FARP1: variants seen among roughly 807,000 people sequenced by gnomAD.
The protein encoded by FARP1 is FERM, ARHGEF and pleckstrin domain-containing protein 1.
In FARP1, 52 loss-of-function variants were observed where a neutral mutation model predicts 128.8. The ratio of observed to expected loss-of-function variants is 0.40; its 90% CI spans 0.32 to 0.51. The LOEUF (loss-of-function observed/expected upper bound fraction) is 0.51, where lower values mean the gene tolerates loss of function less well. Ranked by LOEUF, FARP1 falls within the 20% of genes least tolerant of loss-of-function variation. The pLI is 0.45. For synonymous variants in FARP1, 580 were observed against 551.8 expected (o/e 1.05, Z -0.72); for missense variants, 1,333 against 1,367.9 (o/e 0.97, Z 0.40).
chr13:98,160,757 G>T (rs915881143), intron 1 of FARP1, among the ~76,000 whole-genome samples: 2 of 152,014 alleles, frequency 1.3e-5, no homozygotes, highest in African/African-American at 4.8e-5. Context: ...TCCACTTCCC[G>T]GTTCAAGTGA....
chr13:98,422,673 A>T (rs1241402179), intron 16 of FARP1, among the ~76,000 whole-genome samples: 1 of 152,054 alleles, frequency 6.6e-6, no homozygotes, highest in Non-Finnish European at 1.5e-5. Flanking sequence ...ACCTGTTTCT[A>T]CTCACGATGA....
intron 16 of FARP1, among the ~76,000 whole-genome samples, chr13:98,418,418 G>A (rs1891471219): frequency 6.6e-6 from 1 of 152,102 alleles, no homozygotes; most frequent in South Asian, 2.1e-4. Flanking sequence ...GGGATTACAG[G>A]CGTGCATCAC....
intron 2 of FARP1, among the ~76,000 whole-genome samples, chr13:98,225,078 G>A (rs989153133): frequency 1.3e-5 from 2 of 152,176 alleles, no homozygotes; most frequent in African/African-American, 4.8e-5. Context: ...TGAAGAAAGA[G>A]ACTGCTTTGT....
At position 98,287,560 on chromosome 13, in the gene FARP1, T is replaced by C. The variant is rs1474200629; in HGVS notation, c.172-56202T>C. Among the ~76,000 whole-genome samples, 3 of 152,122 alleles carry C rather than the reference T, an allele frequency of 2.0e-5. No homozygotes were observed. In the East Asian group the frequency reaches 5.8e-4, roughly 29 times the overall value. Reference sequence around the variant, plus strand: ...GTCTTTACCATGATTATTCTGACTTTGCTTTTACACATTGGCAACCAGATT... The same window carrying C: ...GTCTTTACCATGATTATTCTGACTTCGCTTTTACACATTGGCAACCAGATT... On this transcript the variant is annotated intron_variant, in intron 2 of 26. Coordinates refer to ENST00000319562, the MANE Select transcript of FARP1 (RefSeq NM_005766.4).
intron 11 of FARP1, among the ~76,000 whole-genome samples, chr13:98,392,832 A>AC (rs1555343167): frequency 1.3e-5 from 1 of 79,230 alleles, no homozygotes; most frequent in Non-Finnish European, 2.3e-5. Flanking sequence ...TTTTTTCAGG[A>AC]GGTTTTTTTT....
intron 18 of FARP1, 139 bp downstream of exon 18, chr13:98,431,419 G>A: frequency 1.7e-6 from 1 of 585,136 alleles, no homozygotes; most frequent in East Asian, 3.0e-5. Flanking sequence ...ATCAGGGTGG[G>A]CGCCGGTTTT....
chr13:98,325,738 C>T (rs971841302), intron 2 of FARP1, among the ~76,000 whole-genome samples: 75 of 152,190 alleles, frequency 4.9e-4, no homozygotes, highest in African/African-American at 1.8e-3. Context: ...GTAGCTTGTC[C>T]AGTTTGATCT....
At chr13:98,224,161 T>TA (rs1263015029) in intron 2 of FARP1, among the ~76,000 whole-genome samples, 11 of 152,194 alleles carry the variant, frequency 7.2e-5, no homozygotes. Context: ...ACAATACCTT[T>TA]TTTCATGTTT....
At chr13:98,157,290 A>G (rs2139116703) in intron 1 of FARP1, among the ~76,000 whole-genome samples, 1 of 151,992 alleles carries the variant, frequency 6.6e-6, no homozygotes, top group Non-Finnish European at 1.5e-5. Context: ...TTTATTTCCC[A>G]GCCTCCTGTA....
chr13:98,395,220 C>T lies in FARP1; in HGVS notation c.1165-7C>T, dbSNP rs769906858. 15 of 1,585,260 alleles carry T rather than the reference C, an allele frequency of 9.5e-6. No homozygotes were observed. In the South Asian group the frequency reaches 1.7e-4, roughly 18 times the overall value. ...TCTCTCCGCACCTTTTTCCCCACCC[C>T]ACCCAGTCTCAGCAGAGCACCAGCC... On this transcript the variant is annotated splice_polypyrimidine_tract_variant and splice_region_variant and intron_variant, in intron 12 of 26. Coordinates refer to ENST00000319562, the MANE Select transcript of FARP1 (RefSeq NM_005766.4).
rs34133279 is a variant in FARP1 at position 98,262,182 on chromosome 13, A to AT, written c.171+48787dup. 5.3e-3 allele frequency among the ~76,000 whole-genome samples: 744 copies of AT among 140,798 alleles called. 6 individuals are homozygous for AT. Among genetic ancestry groups the AT allele is most frequent in the African/African-American group, 0.012 (442 of 38,056 alleles). 92.4% of individuals were successfully genotyped at this position (140,798 alleles called of 152,430 possible). A position where few individuals can be genotyped will look rare whatever the true frequency, so the allele number is the denominator to read the frequency against. On this transcript the variant is annotated intron_variant, in intron 2 of 26. Coordinates refer to ENST00000319562, the MANE Select transcript of FARP1 (RefSeq NM_005766.4). ...AGGTGTGTGCTACCGCGCCCTGCTA[A>AT]TTTTTTTTTTTTTTTTTTAAAGAAA...
rs1413426495 is a variant in FARP1, at chr13:98,176,895, G to T, written c.-24+33403G>T. On this transcript the variant is annotated intron_variant, in intron 1 of 26. Transcript: ENST00000319562. This position sits in a 1 kb window ranked among gnomAD's most constrained non-coding sequence, Gnocchi z 6.2. ...GGTGCTCCTTCTCGGTGTCCTGCTC[G>T]AAGTCAGCGGTGGCCCCCATGTCCT... The T allele has an allele frequency of 3.7e-5, 59 of 1,606,040 alleles. No individual in the cohort carries two copies. Among genetic ancestry groups the T allele is most frequent in the Non-Finnish European group, 4.8e-5 (57 of 1,179,908 alleles).
chr13:98,388,478 T>C lies in FARP1; in HGVS notation c.855T>C (p.Asn285=), dbSNP rs1274130130. 4 of 1,612,242 alleles carry C rather than the reference T, an allele frequency of 2.5e-6. No individual in the cohort carries two copies. The highest frequency in any genetic ancestry group is 2.2e-5 in the South Asian group (2 of 91,018). Residue 285 remains asparagine (N), a splice_region_variant and synonymous_variant, in exon 9 of 27, where the codon AAT becomes AAC. Coordinates refer to ENST00000319562, the MANE Select transcript of FARP1 (RefSeq NM_005766.4). ...RFLIKLRPDA[N]SAYQDTLEFL... ...TCATCAAGCTCCGGCCAGATGCCAA[T>C]GTAAGTGGTCCTGGCGGGAAAGGGG...
At chr13:98,246,316 C>T (rs1188621304) in intron 2 of FARP1, among the ~76,000 whole-genome samples, 5 of 72,968 alleles carry the variant, frequency 6.9e-5, no homozygotes, top group African/African-American at 2.7e-4. Flanking sequence ...AGGATGGTCT[C>T]GATCTCCTGA....
intron 11 of FARP1, among the ~76,000 whole-genome samples, chr13:98,392,155 T>G (rs1890327642): frequency 6.6e-6 from 1 of 151,922 alleles, no homozygotes. Context: ...GGCTCCTTTC[T>G]GTATGCATAT....
In FARP1 at chr13:98,431,190, C is replaced by T; in HGVS notation, c.2053C>T (p.Pro685Ser). 6.2e-7 allele frequency: 1 copy of T among 1,612,884 alleles called. No homozygotes were observed. Among genetic ancestry groups the T allele is most frequent in the Non-Finnish European group, 8.5e-7 (1 of 1,179,446 alleles). Residue 685 changes from proline (P) to serine (S), a missense_variant, in exon 18 of 27, where the codon CCA (proline) becomes TCA (serine). Physicochemically the swap from Pro to Ser is moderately conservative, Grantham distance 74 (BLOSUM62 -1). Coordinates refer to ENST00000319562, the MANE Select transcript of FARP1 (RefSeq NM_005766.4). ...YLPLNTFLLRPLHRLMHYKQV... is the reference protein window; with the variant it reads ...YLPLNTFLLRSLHRLMHYKQV... ...ACCGCTCAACACCTTCCTCCTGCGG[C>T]CACTGCACCGGCTCATGCACTACAA...
At chr13:98,326,106 G>A (rs1174138843) in intron 2 of FARP1, among the ~76,000 whole-genome samples, 3 of 152,162 alleles carry the variant, frequency 2.0e-5, no homozygotes, top group African/African-American at 4.8e-5. Flanking sequence ...AAATGGCTTC[G>A]TCTGCTTGGT....
chr13:98,296,042 A>C (rs1193026216), intron 2 of FARP1, among the ~76,000 whole-genome samples: 10 of 152,192 alleles, frequency 6.6e-5, no homozygotes, highest in Admixed American at 5.9e-4. Flanking sequence ...TTTTTAAAAG[A>C]ATACTGATTC....
At chr13:98,391,931 A>G (rs552851532) in intron 11 of FARP1, among the ~76,000 whole-genome samples, 1 of 152,316 alleles carries the variant, frequency 6.6e-6, no homozygotes, top group South Asian at 2.1e-4. Context: ...ATTTTCATAC[A>G]TTTAAAAATT....
Sources: allele counts gnomAD v4.1 joint callset (sites outside exome capture counted in the v4.1 genomes callset), GRCh38; gene constraint gnomAD v4.1.1; non-coding constraint Gnocchi (gnomAD v3.1); transcripts MANE v1.5; gene names NCBI Gene and HGNC (gene_info 2026-07-23, HGNC 2026-07-21).